Variants in TSPAN5 observed in about 807,000 individuals in gnomAD.
TSPAN5 encodes tetraspanin-5.
In TSPAN5, 10 loss-of-function variants were observed where a neutral mutation model predicts 37.1. The observed-to-expected ratio is 0.27, with a 90% CI of 0.17 to 0.46. The LOEUF (loss-of-function observed/expected upper bound fraction) is 0.46. Ranked by LOEUF, TSPAN5 falls within the 20% of genes least tolerant of loss-of-function variation. The pLI is 1.00. For missense variants in TSPAN5, 195 were observed against 326.6 expected (o/e 0.60, Z 3.11); for synonymous variants, 110 against 118.9 (o/e 0.93, Z 0.48).
chr4:98,510,271 G>A (rs2110288890), intron 1 of TSPAN5, among the ~76,000 whole-genome samples: 1 of 152,270 alleles, frequency 6.6e-6, no homozygotes, highest in South Asian at 2.1e-4. Flanking sequence ...AGAAATACAT[G>A]TTCTTAGCAG....
chr4:98,561,099 C>T (rs1454897858), intron 1 of TSPAN5, among the ~76,000 whole-genome samples: 1 of 152,190 alleles, frequency 6.6e-6, no homozygotes, highest in Non-Finnish European at 1.5e-5. Flanking sequence ...CTTGTCTTTA[C>T]CAATGGACTG....
chr4:98,587,379 G>A (rs765192684), intron 1 of TSPAN5, among the ~76,000 whole-genome samples: 14 of 152,126 alleles, frequency 9.2e-5, no homozygotes, highest in South Asian at 2.1e-4. Context: ...GTGTTTTCCC[G>A]GGTGACCATG....
At chr4:98,638,437 C>T (rs1039371625) in intron 1 of TSPAN5, among the ~76,000 whole-genome samples, 5 of 152,094 alleles carry the variant, frequency 3.3e-5, no homozygotes, top group South Asian at 4.2e-4. Flanking sequence ...GGGGGAGGCC[C>T]GGGTGATTAC....
chr4:98,591,974 T>C (rs1007324610), intron 1 of TSPAN5, among the ~76,000 whole-genome samples: 1 of 151,572 alleles, frequency 6.6e-6, no homozygotes, highest in Non-Finnish European at 1.5e-5. Context: ...ATTATAATGC[T>C]ACAGTAATCA....
intron 1 of TSPAN5, among the ~76,000 whole-genome samples, chr4:98,628,019 A>C (rs1756648583): frequency 6.6e-6 from 1 of 152,234 alleles, no homozygotes; most frequent in African/African-American, 2.4e-5. Flanking sequence ...AGCTCCCCTG[A>C]CAGGTCAAAT....
At chr4:98,571,655 G>T (rs539458020) in intron 1 of TSPAN5, among the ~76,000 whole-genome samples, 1 of 152,084 alleles carries the variant, frequency 6.6e-6, no homozygotes, top group Non-Finnish European at 1.5e-5. Context: ...CTACCCATAC[G>T]GTGGAAGGTT....
intron 7 of TSPAN5, among the ~76,000 whole-genome samples, chr4:98,473,843 G>A (rs1176861087): frequency 6.6e-6 from 1 of 152,092 alleles, no homozygotes; most frequent in Non-Finnish European, 1.5e-5. Flanking sequence ...GGAGTACAGT[G>A]GCGTGATCAT....
rs1379624194 is a variant in TSPAN5, at chr4:98,490,970, A to G, written c.133-4086T>C. ...CCAGCAACTCGGGAGGCTGAGGCAG[A>G]AGAATGGCGTGAACCCGGGAGGCGG... On this transcript the variant is annotated intron_variant, in intron 2 of 7. Transcript: ENST00000305798. Among the ~76,000 whole-genome samples, 4 of 152,176 alleles carry G rather than the reference A, an allele frequency of 2.6e-5. No homozygotes were observed. In the East Asian group the frequency reaches 7.8e-4, roughly 30 times the overall value.
chr4:98,627,074 C>T lies in TSPAN5; in HGVS notation c.81+31072G>A, dbSNP rs143838939. Among the ~76,000 whole-genome samples the T allele has an allele frequency of 3.9e-5, 6 of 152,176 alleles. No individual in the cohort carries two copies. In the East Asian group the frequency reaches 1.2e-3, roughly 30 times the overall value. Reference sequence around the variant, plus strand: ...CAGCTTGGGGTAGGGGGCAGAGCGCCTAGCTCTCCTCGTGGCAGGTAACAC... The same window carrying T: ...CAGCTTGGGGTAGGGGGCAGAGCGCTTAGCTCTCCTCGTGGCAGGTAACAC... On this transcript the variant is annotated intron_variant, in intron 1 of 7. Coordinates refer to ENST00000305798, the MANE Select transcript of TSPAN5 (RefSeq NM_005723.4).
At position 98,568,530 on chromosome 4, in the gene TSPAN5, C is replaced by G. The variant is rs907869800; in HGVS notation, c.82-60802G>C. On this transcript the variant is annotated intron_variant, in intron 1 of 7. Coordinates refer to ENST00000305798, the MANE Select transcript of TSPAN5 (RefSeq NM_005723.4). Reference sequence around the variant, plus strand: ...GCACTCCAGCCTGGGCGACAGTCCCCCACCCCCAGCCCACCACCAACCCAC... The same window carrying G: ...GCACTCCAGCCTGGGCGACAGTCCCGCACCCCCAGCCCACCACCAACCCAC... Among the ~76,000 whole-genome samples, 8 of 151,896 alleles carry G rather than the reference C, an allele frequency of 5.3e-5. No homozygotes were observed. The South Asian group carries it at 8.3e-4, about 16-fold the overall frequency.
At chr4:98,600,259 G>A (rs944362983) in intron 1 of TSPAN5, among the ~76,000 whole-genome samples, 2 of 152,110 alleles carry the variant, frequency 1.3e-5, no homozygotes, top group Non-Finnish European at 2.9e-5. Flanking sequence ...GACTGATGAC[G>A]GTGGTGGCGC....
intron 1 of TSPAN5, among the ~76,000 whole-genome samples, chr4:98,561,859 G>T (rs986816179): frequency 1.3e-5 from 2 of 152,236 alleles, no homozygotes; most frequent in Non-Finnish European, 2.9e-5. Context: ...AAAAAGAAGA[G>T]TGGTAATGCT....
intron 1 of TSPAN5, among the ~76,000 whole-genome samples, chr4:98,532,440 C>A (rs563075836): frequency 9.9e-4 from 151 of 152,218 alleles, no homozygotes; most frequent in African/African-American, 3.6e-3. Flanking sequence ...GTATTTTATT[C>A]TCTTTGAAGC....
At chr4:98,515,512 G>GCTCTCTCT (rs59536964) in intron 1 of TSPAN5, among the ~76,000 whole-genome samples, 1 of 146,746 alleles carries the variant, frequency 6.8e-6, no homozygotes, top group Admixed American at 6.8e-5. Flanking sequence ...GTGATCAGAG[G>GCTCTCTCT]CTCTCTCTCT....
chr4:98,605,074 A>C (rs1176332834), intron 1 of TSPAN5, among the ~76,000 whole-genome samples: 1 of 152,210 alleles, frequency 6.6e-6, no homozygotes, highest in East Asian at 1.9e-4. Flanking sequence ...GAAAGAAGTC[A>C]GTTTGTGAAG....
At chr4:98,609,740 T>A (rs1756135372) in intron 1 of TSPAN5, among the ~76,000 whole-genome samples, 1 of 152,114 alleles carries the variant, frequency 6.6e-6, no homozygotes, top group African/African-American at 2.4e-5. Flanking sequence ...CTTCCCTGGG[T>A]GGTCAAGGCA....
intron 1 of TSPAN5, among the ~76,000 whole-genome samples, chr4:98,530,334 G>C (rs1477372293): frequency 6.6e-6 from 1 of 152,188 alleles, no homozygotes; most frequent in African/African-American, 2.4e-5. Flanking sequence ...AGGAGCTATA[G>C]GTGCCTTCTG....
At chr4:98,526,714 T>G in intron 1 of TSPAN5, among the ~76,000 whole-genome samples, 1 of 147,768 alleles carries the variant, frequency 6.8e-6, no homozygotes, top group Non-Finnish European at 1.5e-5. Flanking sequence ...TCAAGGGGGG[T>G]GGAGGATAGA....
intron 1 of TSPAN5, among the ~76,000 whole-genome samples, chr4:98,549,308 T>G (rs78884049): frequency 0.039 from 887 of 22,802 alleles, 7 homozygotes; most frequent in South Asian, 0.08. Context: ...TTTTGTTTTT[T>G]TTTGTTTTTT....
Sources: gnomAD v4.1 joint callset for allele counts (sites outside exome capture counted in the v4.1 genomes callset) on GRCh38, gnomAD v4.1.1 for gene constraint, MANE v1.5 for transcripts, NCBI Gene and HGNC (gene_info 2026-07-23, HGNC 2026-07-21) for gene names.